LY96: variants seen among roughly 807,000 people sequenced by gnomAD.
LY96 encodes the protein lymphocyte antigen 96.
LY96 carries 18 observed loss-of-function variants against 18.9 expected under a neutral mutation model. The ratio of observed to expected loss-of-function variants is 0.95; its 90% CI spans 0.66 to 1.41. The LOEUF (loss-of-function observed/expected upper bound fraction) is 1.41. Ranked by LOEUF, LY96 falls within the 40% of genes most tolerant of loss-of-function variation. LY96 has a pLI of 0.00. For synonymous variants in LY96, 66 were observed against 62.6 expected, an observed-to-expected ratio of 1.06 and a Z score of -0.26; for missense variants, 175 against 182.4, an observed-to-expected ratio of 0.96 and a Z score of 0.23.
At chr8:74,040,548 T>C in the LY96 span, among the ~76,000 whole-genome samples, 1 of 152,194 alleles carries the variant, frequency 6.6e-6, no homozygotes, top group Non-Finnish European at 1.5e-5. Context: ...ATTTTTCTGC[T>C]TATGGATATC....
the LY96 span, among the ~76,000 whole-genome samples, chr8:74,048,019 C>A: frequency 6.6e-6 from 1 of 152,140 alleles, no homozygotes; most frequent in African/African-American, 2.4e-5. Context: ...CCACCTCAGC[C>A]TCCTGAGTGT....
chr8:73,999,480 G>A (rs1816220008), intron 1 of LY96, among the ~76,000 whole-genome samples: 1 of 151,836 alleles, frequency 6.6e-6, no homozygotes, highest in African/African-American at 2.4e-5. Flanking sequence ...GGCGGGTCTT[G>A]AATTCCTGGA....
chr8:74,011,231 A>C (rs1816524527), intron 3 of LY96, among the ~76,000 whole-genome samples: 1 of 152,210 alleles, frequency 6.6e-6, no homozygotes, highest in African/African-American at 2.4e-5. Flanking sequence ...ACAAAAATCA[A>C]CTCAAGATGG....
chr8:74,083,609 C>T, the LY96 span, among the ~76,000 whole-genome samples: 2 of 152,148 alleles, frequency 1.3e-5, no homozygotes, highest in East Asian at 1.9e-4. Flanking sequence ...TTATTATAAG[C>T]TTTTACTTTT....
chr8:74,061,471 C>T, the LY96 span, among the ~76,000 whole-genome samples: 4 of 152,078 alleles, frequency 2.6e-5, no homozygotes, highest in African/African-American at 4.8e-5. Context: ...AATGAATTTT[C>T]GGGGGATGGA....
rs60367712 is a variant in LY96, at chr8:73,998,691, C to CAA, written c.113-6098_113-6097dup. On this transcript the variant is annotated intron_variant, in intron 1 of 4. Coordinates refer to ENST00000284818, the MANE Select transcript of LY96 (RefSeq NM_015364.5). ...GAGTGAAATCCTGTCTCTTCTCTCTCAAAAAAAAGGAAAAATGCCATTAGG... is the reference window on the plus strand; with the variant it reads ...GAGTGAAATCCTGTCTCTTCTCTCTCAAAAAAAAAAGGAAAAATGCCATTAGG... 1.9e-3 allele frequency among the ~76,000 whole-genome samples: 280 copies of CAA among 151,148 alleles called. 1 individual carries two copies. Among genetic ancestry groups the CAA allele is most frequent in the African/African-American group, 6.4e-3 (262 of 41,150 alleles).
the LY96 span, among the ~76,000 whole-genome samples, chr8:74,088,941 A>T: frequency 6.6e-6 from 1 of 152,190 alleles, no homozygotes; most frequent in Non-Finnish European, 1.5e-5. Flanking sequence ...AATTGTATCC[A>T]TGTAAGTTAC....
At chr8:74,003,861 T>C (rs1816352018) in intron 1 of LY96, among the ~76,000 whole-genome samples, 2 of 152,220 alleles carry the variant, frequency 1.3e-5, no homozygotes, top group Admixed American at 6.5e-5. Flanking sequence ...TCTTTCTTTC[T>C]TTAATTTCCC....
the LY96 span, among the ~76,000 whole-genome samples, chr8:74,091,031 G>A: frequency 1.3e-5 from 2 of 152,124 alleles, no homozygotes; most frequent in African/African-American, 4.8e-5. Context: ...GCTGCTATTT[G>A]TAAAAAGACC....
chr8:74,029,110 C>T (rs1262346461), downstream of LY96: 2 of 1,036,916 alleles, frequency 1.9e-6, no homozygotes, highest in South Asian at 1.3e-5. Flanking sequence ...TTTAAGGGTA[C>T]CCAGGATTTG....
At chr8:74,032,518 C>T (rs1488139820), downstream of LY96, among the ~76,000 whole-genome samples, 2 of 152,194 alleles carry the variant, frequency 1.3e-5, no homozygotes, top group Non-Finnish European at 2.9e-5. Context: ...CTTGCTCAAT[C>T]GATCACGACC....
the LY96 span, among the ~76,000 whole-genome samples, chr8:74,047,143 C>T: frequency 3.9e-5 from 6 of 152,324 alleles, no homozygotes; most frequent in East Asian, 1.2e-3. Flanking sequence ...CCACCTCAGC[C>T]TCCCAAAGTG....
At chr8:74,006,786 A>G (rs1404848099) in intron 2 of LY96, among the ~76,000 whole-genome samples, 1 of 152,234 alleles carries the variant, frequency 6.6e-6, no homozygotes, top group Non-Finnish European at 1.5e-5. Flanking sequence ...TACATAATGA[A>G]TAATCTCACT....
the LY96 span, among the ~76,000 whole-genome samples, chr8:74,052,080 A>G: frequency 2.6e-5 from 4 of 152,212 alleles, no homozygotes; most frequent in African/African-American, 7.2e-5. Flanking sequence ...TAAAAGAAAA[A>G]GAAAAATACT....
At chr8:74,045,844 C>G in the LY96 span, among the ~76,000 whole-genome samples, 1 of 152,184 alleles carries the variant, frequency 6.6e-6, no homozygotes, top group Non-Finnish European at 1.5e-5. Flanking sequence ...ACCCTCAGAT[C>G]TCCTGCTGGG....
intron 3 of LY96, among the ~76,000 whole-genome samples, chr8:74,018,094 GAC>G (rs1423783790): frequency 2.0e-5 from 3 of 152,100 alleles, no homozygotes; most frequent in Admixed American, 6.5e-5. Flanking sequence ...CCAATTAAAA[GAC>G]ACAGACTGGC....
chr8:74,020,619 C>G (rs1042999247), intron 3 of LY96, among the ~76,000 whole-genome samples: 1 of 152,180 alleles, frequency 6.6e-6, no homozygotes, highest in Non-Finnish European at 1.5e-5. Flanking sequence ...CAAGACAATC[C>G]TAAGCAAAAA....
the LY96 span, among the ~76,000 whole-genome samples, chr8:74,069,714 C>T: frequency 6.6e-6 from 1 of 151,712 alleles, no homozygotes; most frequent in African/African-American, 2.4e-5. Flanking sequence ...GCGATTCTCC[C>T]CTCTCAGCCT....
the LY96 span, among the ~76,000 whole-genome samples, chr8:74,097,067 C>G: frequency 6.6e-6 from 1 of 152,136 alleles, no homozygotes; most frequent in Non-Finnish European, 1.5e-5. Flanking sequence ...TTTTGCTTAA[C>G]ATTATATCAT....
Sources: allele counts gnomAD v4.1 joint callset (sites outside exome capture counted in the v4.1 genomes callset), GRCh38; gene constraint gnomAD v4.1.1; transcripts MANE v1.5; gene names NCBI Gene and HGNC (gene_info 2026-07-23, HGNC 2026-07-21).